The following RASEF variants were observed in gnomAD, a reference collection of about 807,000 sequenced individuals.
The protein encoded by RASEF is ras and EF-hand domain-containing protein.
A neutral mutation model predicts 90.1 loss-of-function variants in RASEF; 68 were observed. That is an observed-to-expected ratio of 0.75 (90% CI 0.62 to 0.92). The LOEUF (loss-of-function observed/expected upper bound fraction) is 0.92. Among genes scored for constraint, RASEF ranks in the 40% least tolerant of loss-of-function variants. RASEF has a pLI of 0.00. For missense variants in RASEF, 949 were observed against 937.2 expected (o/e 1.01, Z -0.16); for synonymous variants, 331 against 345.2 (o/e 0.96, Z 0.46).
chr9:83,032,204 G>A (rs1450578614), intron 1 of RASEF, among the ~76,000 whole-genome samples: 6 of 151,952 alleles, frequency 3.9e-5, no homozygotes, highest in African/African-American at 4.8e-5. Flanking sequence ...ACCTTCTGAC[G>A]TCAAAGGTTA....
At chr9:83,134,408 GCGCACACA>G in the RASEF span, among the ~76,000 whole-genome samples, 963 of 135,996 alleles carry the variant, frequency 7.1e-3, 5 homozygotes, top group African/African-American at 0.018. Flanking sequence ...GATCACAATA[GCGCACACA>G]CACACACACA....
At chr9:83,035,744 CA>C (rs11299604) in intron 1 of RASEF, among the ~76,000 whole-genome samples, 4,489 of 148,298 alleles carry the variant, frequency 0.03, 198 homozygotes, top group African/African-American at 0.1. Flanking sequence ...TCTACTTTGG[CA>C]AAAAAAAAGG....
the RASEF span, among the ~76,000 whole-genome samples, chr9:83,209,374 A>T: frequency 1.2e-4 from 18 of 152,232 alleles, no homozygotes; most frequent in Non-Finnish European, 2.9e-5. Context: ...CATTCTGTGG[A>T]GAATGTGCAG....
the RASEF span, among the ~76,000 whole-genome samples, chr9:83,154,716 A>G: frequency 1.3e-5 from 2 of 152,174 alleles, no homozygotes; most frequent in African/African-American, 2.4e-5. Context: ...CAATTTTTCT[A>G]AAGCCTGCCT....
chr9:83,029,263 A>G (rs1180488314), intron 1 of RASEF, among the ~76,000 whole-genome samples: 1 of 152,196 alleles, frequency 6.6e-6, no homozygotes, highest in Non-Finnish European at 1.5e-5. Flanking sequence ...GGCAGAAGAA[A>G]TGGGATTCAA....
At chr9:83,009,519 G>A in intron 6 of RASEF, 122 bp downstream of exon 6, 1 of 501,468 alleles carries the variant, frequency 2.0e-6, no homozygotes, top group Non-Finnish European at 3.5e-6. Flanking sequence ...AAAATCATTA[G>A]AAAGTAAAGA....
At chr9:83,162,859 G>A in the RASEF span, among the ~76,000 whole-genome samples, 65 of 152,298 alleles carry the variant, frequency 4.3e-4, no homozygotes, top group Non-Finnish European at 7.5e-4. Context: ...AACTCCAGGG[G>A]ACCCAGTCAA....
the RASEF span, among the ~76,000 whole-genome samples, chr9:83,207,338 TG>T: frequency 1.3e-5 from 2 of 152,194 alleles, no homozygotes; most frequent in Non-Finnish European, 2.9e-5. Flanking sequence ...GTTATTTCCT[TG>T]GGTCTCCGCT....
the RASEF span, among the ~76,000 whole-genome samples, chr9:83,198,844 G>T: frequency 6.6e-6 from 1 of 151,404 alleles, no homozygotes; most frequent in Non-Finnish European, 1.5e-5. Context: ...GGGGGGGAGG[G>T]ATAAATGTAG....
At chr9:83,028,636 G>C (rs1430419722) in intron 1 of RASEF, among the ~76,000 whole-genome samples, 1 of 152,204 alleles carries the variant, frequency 6.6e-6, no homozygotes, top group Non-Finnish European at 1.5e-5. Flanking sequence ...TGGAAAAGAA[G>C]ACAGTCAGAT....
intron 1 of RASEF, among the ~76,000 whole-genome samples, chr9:83,031,470 T>C (rs557040904): frequency 2.0e-5 from 3 of 152,224 alleles, no homozygotes; most frequent in Admixed American, 6.5e-5. Flanking sequence ...TCTATGAAGA[T>C]GTTATCACTA....
At chr9:83,007,093 CAAA>C (rs11394639) in intron 7 of RASEF, among the ~76,000 whole-genome samples, 1 of 127,200 alleles carries the variant, frequency 7.9e-6, no homozygotes, top group Admixed American at 8.2e-5. Context: ...GACTCTGTCT[CAAA>C]AAAAAAAAAA....
chr9:83,208,702 A>C, the RASEF span, among the ~76,000 whole-genome samples: 2 of 152,168 alleles, frequency 1.3e-5, no homozygotes, highest in Non-Finnish European at 2.9e-5. Context: ...ACCGATAGCC[A>C]GGAAAATTCT....
chr9:82,994,997 A>G (rs1828886964), intron 14 of RASEF, among the ~76,000 whole-genome samples: 1 of 152,234 alleles, frequency 6.6e-6, no homozygotes, highest in South Asian at 2.1e-4. Context: ...TAAGCCATGG[A>G]GAAACTTCAC....
chr9:83,014,372 C>T (rs906498874), intron 4 of RASEF, among the ~76,000 whole-genome samples: 33 of 152,106 alleles, frequency 2.2e-4, no homozygotes, highest in African/African-American at 7.5e-4. Flanking sequence ...ATAATCATGG[C>T]TCACTGCAGC....
At chr9:83,194,601 G>A in the RASEF span, among the ~76,000 whole-genome samples, 73 of 152,236 alleles carry the variant, frequency 4.8e-4, 1 homozygote, top group African/African-American at 1.7e-3. Context: ...CAGAAAGAAG[G>A]ACTAAGTTCT....
chr9:83,213,399 G>GA, the RASEF span, among the ~76,000 whole-genome samples: 8,768 of 104,368 alleles, frequency 0.084, 745 homozygotes, highest in African/African-American at 0.23. Flanking sequence ...GACTTCATCT[G>GA]AAAAAAAAAA....
the RASEF span, among the ~76,000 whole-genome samples, chr9:83,091,611 CTACT>C: frequency 1.3e-5 from 2 of 152,170 alleles, no homozygotes; most frequent in Non-Finnish European, 2.9e-5. Context: ...GGACATCTAA[CTACT>C]CAGCCTTTTC....
At chr9:83,104,313 TAA>T in the RASEF span, among the ~76,000 whole-genome samples, 240 of 152,084 alleles carry the variant, frequency 1.6e-3, 1 homozygote, top group African/African-American at 5.3e-3. Context: ...TAAGAATCCT[TAA>T]AAAAAATCCA....
Sources: allele counts gnomAD v4.1 joint callset (sites outside exome capture counted in the v4.1 genomes callset), GRCh38; gene constraint gnomAD v4.1.1; transcripts MANE v1.5; gene names NCBI Gene and HGNC (gene_info 2026-07-23, HGNC 2026-07-21).